RBFOX1: variants seen among roughly 807,000 people sequenced by gnomAD.
RBFOX1 encodes the protein RNA binding protein fox-1 homolog 1.
Under a neutral mutation model 57.7 loss-of-function variants are expected in RBFOX1, and 8 were observed. The observed-to-expected ratio is 0.14, with a 90% CI of 0.08 to 0.25. RBFOX1 has a LOEUF of 0.25. Ranked by LOEUF, RBFOX1 falls within the 10% of genes least tolerant of loss-of-function variation. The pLI, the probability that RBFOX1 is intolerant of heterozygous loss-of-function variation, is 1.00. For missense variants in RBFOX1, 611 were observed against 548.5 expected (o/e 1.11, Z -1.14); for synonymous variants, 326 against 222.4 (o/e 1.47, Z -4.15).
chr16:7,712,478 TAAAGTTTCACAAGATTTGA>T lies in RBFOX1; in HGVS notation c.*1737_*1755del, dbSNP rs1371147057. 2 of 152,606 alleles carry T rather than the reference TAAAGTTTCACAAGATTTGA, an allele frequency of 1.3e-5. No homozygotes were observed. Among genetic ancestry groups the T allele is most frequent in the African/African-American group, 4.8e-5 (2 of 41,452 alleles). 9.5% of individuals were successfully genotyped at this position (152,606 alleles called of 1,614,324 possible). ...GATCAGTTGGATATTAAACCATCAA[TAAAGTTTCACAAGATTTGA>T]AAACAAAGTTTCTGTAGCTTCGATA... On this transcript the variant is annotated 3_prime_UTR_variant, in exon 16 of 16. Coordinates refer to ENST00000550418, the MANE Select transcript of RBFOX1 (RefSeq NM_018723.4).
At chr16:5,444,512 G>C (rs887359244) in intron 1 of RBFOX1, among the ~76,000 whole-genome samples, 1 of 152,158 alleles carries the variant, frequency 6.6e-6, no homozygotes, top group Admixed American at 6.5e-5. Flanking sequence ...TCAGCTCTGC[G>C]GAACTGGCCA....
chr16:7,146,057 C>G (rs780704276), intron 4 of RBFOX1, among the ~76,000 whole-genome samples: 3 of 152,224 alleles, frequency 2.0e-5, no homozygotes, highest in Non-Finnish European at 4.4e-5. Flanking sequence ...CTTCCCACTT[C>G]TTTTGACTGT....
At chr16:5,858,467 G>A (rs1467677657) in intron 3 of RBFOX1, among the ~76,000 whole-genome samples, 1 of 152,126 alleles carries the variant, frequency 6.6e-6, no homozygotes, top group East Asian at 1.9e-4. Flanking sequence ...AGATTTGCCA[G>A]GCCCTCCCTG....
At chr16:7,037,172 C>A (rs1006932491) in intron 3 of RBFOX1, among the ~76,000 whole-genome samples, 5 of 150,902 alleles carry the variant, frequency 3.3e-5, no homozygotes, top group Admixed American at 6.6e-5. Context: ...CCTATCTTAT[C>A]CTGTGACTTA....
At chr16:5,494,943 A>C (rs778301535) in intron 2 of RBFOX1, among the ~76,000 whole-genome samples, 1 of 152,220 alleles carries the variant, frequency 6.6e-6, no homozygotes, top group African/African-American at 2.4e-5. Context: ...TGAAGTAGGA[A>C]TAATACAGCG....
intron 3 of RBFOX1, among the ~76,000 whole-genome samples, chr16:6,836,204 C>G (rs181675470): frequency 2.6e-5 from 4 of 152,266 alleles, no homozygotes; most frequent in East Asian, 1.9e-4. Context: ...ATTTTCTTTT[C>G]TCATCGTTTC....
intron 2 of RBFOX1, among the ~76,000 whole-genome samples, chr16:5,560,181 G>A (rs1433373049): frequency 6.6e-6 from 1 of 152,072 alleles, no homozygotes; most frequent in Non-Finnish European, 1.5e-5. Flanking sequence ...CACACACTTT[G>A]TGAAATACCT....
rs1284921707 is a variant in RBFOX1 at position 6,895,425 on chromosome 16, T to C, written c.-15-156632T>C. ...ACTAGTTGTTAGTAATATATGTGTGTGTGTGTGTGTGTGTGTGTGTGTGTA... is the reference window on the plus strand; with the variant it reads ...ACTAGTTGTTAGTAATATATGTGTGCGTGTGTGTGTGTGTGTGTGTGTGTA... On this transcript the variant is annotated intron_variant, in intron 3 of 15. Transcript: ENST00000550418. 1.2e-4 allele frequency among the ~76,000 whole-genome samples: 4 copies of C among 33,192 alleles called. 1 individual carries two copies. Among genetic ancestry groups the C allele is most frequent in the African/African-American group, 4.6e-4 (4 of 8,700 alleles). The allele number at this position is 33,192 out of a possible 152,430, so 21.8% of individuals were successfully genotyped here.
At chr16:6,886,605 A>T (rs543864108) in intron 3 of RBFOX1, among the ~76,000 whole-genome samples, 1 of 152,092 alleles carries the variant, frequency 6.6e-6, no homozygotes, top group East Asian at 2.0e-4. Flanking sequence ...ATAGAAAAAA[A>T]TTAGCTGGGC....
At chr16:6,138,505 T>C (rs1263433225) in intron 1 of RBFOX1, among the ~76,000 whole-genome samples, 3 of 152,168 alleles carry the variant, frequency 2.0e-5, no homozygotes, top group Non-Finnish European at 2.9e-5. Context: ...GTTTGCCTTT[T>C]TAAAGCCAGG....
intron 3 of RBFOX1, among the ~76,000 whole-genome samples, chr16:5,640,244 A>G (rs1214904493): frequency 6.6e-6 from 1 of 152,180 alleles, no homozygotes; most frequent in African/African-American, 2.4e-5. Flanking sequence ...TAATGAAGGG[A>G]CATTTTGCAG....
intron 4 of RBFOX1, among the ~76,000 whole-genome samples, chr16:5,886,711 A>G (rs890665539): frequency 1.3e-5 from 2 of 152,158 alleles, no homozygotes; most frequent in Admixed American, 6.5e-5. Context: ...AATATGGGGA[A>G]ACCCTGTCTC....
At chr16:7,671,467 T>C in intron 13 of RBFOX1, 3 of 1,257,536 alleles carry the variant, frequency 2.4e-6, no homozygotes, top group South Asian at 1.3e-5. Flanking sequence ...AACTTGTAAA[T>C]GAATTGCTCT....
chr16:6,869,297 A>G (rs1026773551), intron 3 of RBFOX1, among the ~76,000 whole-genome samples: 1 of 152,176 alleles, frequency 6.6e-6, no homozygotes, highest in African/African-American at 2.4e-5. Flanking sequence ...GTAAATACTT[A>G]TTATATCTTG....
chr16:7,226,602 C>T (rs556002989), intron 4 of RBFOX1, among the ~76,000 whole-genome samples: 1 of 152,318 alleles, frequency 6.6e-6, no homozygotes, highest in African/African-American at 2.4e-5. Context: ...TTTCCTGGAA[C>T]AGTGTTAAGT....
chr16:6,193,918 G>A (rs1414725913), intron 1 of RBFOX1, among the ~76,000 whole-genome samples: 1 of 152,084 alleles, frequency 6.6e-6, no homozygotes, highest in Non-Finnish European at 1.5e-5. Context: ...ACACCTAAGC[G>A]AAGTTGCTCT....
At chr16:6,412,139 AAAAAAC>A (rs200886357) in intron 2 of RBFOX1, among the ~76,000 whole-genome samples, 56,512 of 139,234 alleles carry the variant, frequency 0.41, 11,636 homozygotes, top group Non-Finnish European at 0.47. Flanking sequence ...TGTAAAAAAA[AAAAAAC>A]AAAAAAACAA....
At chr16:7,006,247 G>C (rs976630775) in intron 3 of RBFOX1, among the ~76,000 whole-genome samples, 1 of 151,940 alleles carries the variant, frequency 6.6e-6, no homozygotes. Context: ...CTCTGCCTCC[G>C]AGGTCCAAGC....
chr16:6,605,624 G>T (rs2097915059), intron 2 of RBFOX1, among the ~76,000 whole-genome samples: 1 of 152,178 alleles, frequency 6.6e-6, no homozygotes, highest in African/African-American at 2.4e-5. Flanking sequence ...CAAGTACAGA[G>T]TGAAAACTTA....
Sources: gnomAD v4.1 joint callset for allele counts (sites outside exome capture counted in the v4.1 genomes callset) on GRCh38, gnomAD v4.1.1 for gene constraint, MANE v1.5 for transcripts, NCBI Gene and HGNC (gene_info 2026-07-23, HGNC 2026-07-21) for gene names.